The following NAA11 variants were observed in gnomAD, a reference collection of about 807,000 sequenced individuals.
NAA11 encodes N-alpha-acetyltransferase 11, NatA catalytic subunit.
Under a neutral mutation model 16.1 loss-of-function variants are expected in NAA11, and 15 were observed. The observed-to-expected ratio is 0.93, with a 90% CI of 0.62 to 1.44. The LOEUF (loss-of-function observed/expected upper bound fraction) is 1.44. Ranked by LOEUF, NAA11 falls within the 40% of genes most tolerant of loss-of-function variation. The probability of loss-of-function intolerance (pLI) is 0.00; values close to 1 mark genes in which losing one functional copy is unlikely to be tolerated. For missense variants in NAA11, 298 were observed against 291.3 expected, an observed-to-expected ratio of 1.02 and a Z score of -0.17; for synonymous variants, 122 against 112.4, an observed-to-expected ratio of 1.09 and a Z score of -0.54.
In NAA11 at chr4:79,230,602, A is replaced by G. The variant is rs1038579304; in HGVS notation, c.*123-4332T>C. Among the ~76,000 whole-genome samples the G allele has an allele frequency of 1.4e-4, 21 of 152,122 alleles. 1 individual carries two copies. The highest frequency in any genetic ancestry group is 1.0e-4 in the Non-Finnish European group (7 of 67,932). ...AAAAATGAGGTTGGTCTTTTTGTGA[A>G]GAAATTATCAGACAGATCAGAGTGT... On this transcript the variant is annotated intron_variant and NMD_transcript_variant, in intron 2 of 2. Coordinates refer to the NAA11 transcript ENST00000511542.
Position 79,281,515 on chromosome 4 carries a change from C to A in NAA11, c.*122+12490G>T, listed in dbSNP as rs181269813. 5.9e-5 allele frequency among the ~76,000 whole-genome samples: 9 copies of A among 152,050 alleles called. No individual in the cohort carries two copies. In the East Asian group the frequency reaches 1.5e-3, roughly 26 times the overall value. On this transcript the variant is annotated intron_variant and NMD_transcript_variant, in intron 2 of 2. Transcript: ENST00000511542. ...TGCACTGTTATATCTACTAGTGATA[C>A]CACAGTGCACAAAGCAGACAAGTTC... is the stretch of plus-strand genomic sequence containing the variant.
intron 2 of NAA11, among the ~76,000 whole-genome samples, chr4:79,270,247 A>T (rs1036692134): frequency 3.9e-5 from 6 of 151,926 alleles, no homozygotes; most frequent in Non-Finnish European, 2.9e-5. Flanking sequence ...GAAGAAAGTC[A>T]TTGGTAGCTT....
the NAA11 span, among the ~76,000 whole-genome samples, chr4:79,194,956 T>C: frequency 2.0e-5 from 3 of 152,090 alleles, no homozygotes; most frequent in Non-Finnish European, 4.4e-5. Context: ...TCTGAGGAAC[T>C]CCATGGACTC....
the NAA11 span, among the ~76,000 whole-genome samples, chr4:79,192,302 T>G: frequency 6.6e-6 from 1 of 151,896 alleles, no homozygotes; most frequent in African/African-American, 2.4e-5. Flanking sequence ...TATGTATACA[T>G]GTGCCATGTT....
At chr4:79,280,346 G>C (rs1057346900) in intron 2 of NAA11, among the ~76,000 whole-genome samples, 1 of 152,004 alleles carries the variant, frequency 6.6e-6, no homozygotes, top group Admixed American at 6.6e-5. Context: ...CATGCAGCCC[G>C]GTCCAGGTTA....
chr4:79,295,684 A>G (rs1437056345), intron 1 of NAA11, among the ~76,000 whole-genome samples: 1 of 152,222 alleles, frequency 6.6e-6, no homozygotes. Context: ...TAGACATTAA[A>G]TGGGTAGTAT....
At chr4:79,268,303 A>G (rs1722396937) in intron 2 of NAA11, among the ~76,000 whole-genome samples, 3 of 152,186 alleles carry the variant, frequency 2.0e-5, no homozygotes. Flanking sequence ...TTACAATTGT[A>G]AAGTTCATAT....
At chr4:79,286,594 C>T (rs1233436234) in intron 2 of NAA11, among the ~76,000 whole-genome samples, 1 of 152,048 alleles carries the variant, frequency 6.6e-6, no homozygotes, top group African/African-American at 2.4e-5. Context: ...GATTGAAACA[C>T]ATGTAAAAAT....
the NAA11 span, among the ~76,000 whole-genome samples, chr4:79,202,573 ATATATATGTAGTTT>A: frequency 7.3e-6 from 1 of 137,140 alleles, no homozygotes; most frequent in Non-Finnish European, 1.6e-5. Context: ...GTAGTTATAT[ATATATATGTAGTTT>A]TATATATATA....
the NAA11 span, among the ~76,000 whole-genome samples, chr4:79,180,689 A>G: frequency 6.6e-6 from 1 of 152,226 alleles, no homozygotes; most frequent in South Asian, 2.1e-4. Context: ...TCAAGGATCT[A>G]GAACTAGAAA....
the NAA11 span, among the ~76,000 whole-genome samples, chr4:79,174,774 A>G: frequency 1.3e-5 from 2 of 152,116 alleles, no homozygotes; most frequent in African/African-American, 4.8e-5. Context: ...AACAATGTGT[A>G]TGATAATTTA....
chr4:79,279,629 A>G (rs1722740692), intron 2 of NAA11, among the ~76,000 whole-genome samples: 1 of 152,140 alleles, frequency 6.6e-6, no homozygotes, highest in South Asian at 2.1e-4. Flanking sequence ...TGGCTTTGTG[A>G]ATCCAGGGCT....
At chr4:79,254,640 CTTTTCTTTT>C (rs1291663898) in intron 2 of NAA11, among the ~76,000 whole-genome samples, 34 of 136,850 alleles carry the variant, frequency 2.5e-4, no homozygotes, top group Admixed American at 8.5e-4. Flanking sequence ...AGGATTTGTC[CTTTTCTTTT>C]TTTTTTTTTT....
chr4:79,321,371 G>A (rs921223696), intron 1 of NAA11, among the ~76,000 whole-genome samples: 1 of 152,196 alleles, frequency 6.6e-6, no homozygotes, highest in Non-Finnish European at 1.5e-5. Context: ...CCTGCAGTTA[G>A]TTGGGTAAGA....
chr4:79,161,974 C>T, the NAA11 span, among the ~76,000 whole-genome samples: 1 of 152,210 alleles, frequency 6.6e-6, no homozygotes, highest in African/African-American at 2.4e-5. Context: ...AGCCACCACA[C>T]CCGGCCTACT....
At chr4:79,212,492 A>G in the NAA11 span, among the ~76,000 whole-genome samples, 5 of 151,812 alleles carry the variant, frequency 3.3e-5, no homozygotes, top group Non-Finnish European at 7.4e-5. Context: ...CCTTTGCAAA[A>G]CCTTGCAAAG....
chr4:79,164,821 C>T, the NAA11 span, among the ~76,000 whole-genome samples: 1 of 152,128 alleles, frequency 6.6e-6, no homozygotes, highest in Non-Finnish European at 1.5e-5. Context: ...TGTGCAAGGA[C>T]AGCAGAAAGA....
chr4:79,177,135 T>C, the NAA11 span, among the ~76,000 whole-genome samples: 1 of 151,850 alleles, frequency 6.6e-6, no homozygotes, highest in Non-Finnish European at 1.5e-5. Flanking sequence ...TATATGTATA[T>C]GTGTGTGTCT....
chr4:79,193,406 G>A, the NAA11 span, among the ~76,000 whole-genome samples: 1 of 152,270 alleles, frequency 6.6e-6, no homozygotes, highest in East Asian at 1.9e-4. Context: ...TTTGTATAAG[G>A]TGTAAAGGAA....
Sources: allele counts gnomAD v4.1 joint callset (sites outside exome capture counted in the v4.1 genomes callset), GRCh38; gene constraint gnomAD v4.1.1; transcripts MANE v1.5; gene names NCBI Gene and HGNC (gene_info 2026-07-23, HGNC 2026-07-21).